The following PARD3 variants were observed in gnomAD, a reference collection of about 807,000 sequenced individuals.
PARD3 encodes partitioning defective 3 homolog.
Under a neutral mutation model 155.4 loss-of-function variants are expected in PARD3, and 75 were observed. The ratio of observed to expected loss-of-function variants is 0.48; its 90% CI spans 0.40 to 0.58. PARD3 has a LOEUF of 0.58. Ranked by LOEUF, PARD3 falls within the 20% of genes least tolerant of loss-of-function variation. PARD3 has a pLI of 0.00. For synonymous variants in PARD3, 576 were observed against 610.5 expected, an observed-to-expected ratio of 0.94 and a Z score of 0.83; for missense variants, 1,642 against 1,721.7, an observed-to-expected ratio of 0.95 and a Z score of 0.82.
At chr10:34,725,150 T>TGTGA (rs764850602) in intron 1 of PARD3, among the ~76,000 whole-genome samples, 2 of 98,250 alleles carry the variant, frequency 2.0e-5, no homozygotes, top group African/African-American at 7.1e-5. Flanking sequence ...TGTGTGTGTG[T>TGTGA]GACAGAGAGA....
intron 3 of PARD3, among the ~76,000 whole-genome samples, chr10:34,515,777 T>C (rs900611095): frequency 1.3e-5 from 2 of 152,064 alleles, no homozygotes; most frequent in African/African-American, 4.8e-5. Flanking sequence ...GAAGAATAAA[T>C]TATATATTCT....
At chr10:34,234,933 T>A (rs906352857) in intron 22 of PARD3, among the ~76,000 whole-genome samples, 6 of 152,196 alleles carry the variant, frequency 3.9e-5, no homozygotes, top group African/African-American at 1.4e-4. Context: ...TACATGCACT[T>A]TATGGAGAAA....
At chr10:34,201,243 G>A (rs1488091444) in intron 22 of PARD3, among the ~76,000 whole-genome samples, 1 of 152,170 alleles carries the variant, frequency 6.6e-6, no homozygotes, top group Non-Finnish European at 1.5e-5. Flanking sequence ...GCAGGTTACT[G>A]AGCTAGCAGT....
chr10:34,796,483 TTAAG>T (rs1842255614), intron 1 of PARD3, among the ~76,000 whole-genome samples: 1 of 152,156 alleles, frequency 6.6e-6, no homozygotes, highest in Admixed American at 6.5e-5. Context: ...CAACTTGGGG[TTAAG>T]TGTTATTTGA....
intron 14 of PARD3, among the ~76,000 whole-genome samples, chr10:34,355,471 G>C (rs1838695552): frequency 6.6e-6 from 1 of 152,168 alleles, no homozygotes; most frequent in African/African-American, 2.4e-5. Flanking sequence ...TGAATTAGGT[G>C]CCCATAAGAC....
rs1172081947 is a variant in PARD3 at position 34,754,129 on chromosome 10, C to T, written c.121-57710G>A. Reference sequence around the variant, plus strand: ...GGTCAGGTGATCCTCTCATCTCAGCCTCCTGAATAGCTGGGACTATAAACA... The same window carrying T: ...GGTCAGGTGATCCTCTCATCTCAGCTTCCTGAATAGCTGGGACTATAAACA... On this transcript the variant is annotated intron_variant, in intron 1 of 24. Transcript: ENST00000374788. Among the ~76,000 whole-genome samples, 3 of 152,082 alleles carry T rather than the reference C, an allele frequency of 2.0e-5. No homozygotes were observed. In the East Asian group the frequency reaches 5.8e-4, roughly 29 times the overall value.
chr10:34,458,794 G>A (rs2077469346), intron 4 of PARD3, among the ~76,000 whole-genome samples: 1 of 152,110 alleles, frequency 6.6e-6, no homozygotes, highest in African/African-American at 2.4e-5. Flanking sequence ...AAGGAAAGCC[G>A]CATGAACCAC....
Position 34,578,224 on chromosome 10 carries a change from G to A in PARD3, c.223-61065C>T, listed in dbSNP as rs528852631. 9.2e-5 allele frequency among the ~76,000 whole-genome samples: 14 copies of A among 151,996 alleles called. 1 individual carries two copies. Among genetic ancestry groups the A allele is most frequent in the African/African-American group, 2.9e-4 (12 of 41,484 alleles). On this transcript the variant is annotated intron_variant, in intron 2 of 24. Transcript: ENST00000374788. ...CAACCAAAACACAGCAAAACTTCGT[G>A]CTGAAAAAAATTTTTTTAAGTTTTT...
chr10:34,226,365 C>G (rs1952600861), intron 22 of PARD3, among the ~76,000 whole-genome samples: 1 of 152,150 alleles, frequency 6.6e-6, no homozygotes, highest in Non-Finnish European at 1.5e-5. Context: ...GCCTGACCAA[C>G]ATGGTGAAAC....
intron 4 of PARD3, among the ~76,000 whole-genome samples, chr10:34,464,377 T>C (rs2077874748): frequency 6.6e-6 from 1 of 152,134 alleles, no homozygotes; most frequent in Non-Finnish European, 1.5e-5. Flanking sequence ...CCTATCCTAT[T>C]TATCTAGGAC....
chr10:34,333,536 A>T (rs1008583735), intron 18 of PARD3, among the ~76,000 whole-genome samples: 6 of 152,098 alleles, frequency 3.9e-5, no homozygotes, highest in Admixed American at 3.9e-4. Flanking sequence ...TGGAAGGTCA[A>T]TGAACTACTC....
intron 1 of PARD3, among the ~76,000 whole-genome samples, chr10:34,740,792 C>T (rs1432138531): frequency 6.6e-6 from 1 of 152,060 alleles, no homozygotes; most frequent in Non-Finnish European, 1.5e-5. Context: ...CTAGACTTCA[C>T]AGCATAAAAA....
At chr10:34,651,476 C>T (rs995470933) in intron 2 of PARD3, among the ~76,000 whole-genome samples, 1 of 152,214 alleles carries the variant, frequency 6.6e-6, no homozygotes, top group African/African-American at 2.4e-5. Context: ...ACGTGGGTGT[C>T]CCCTAGACAG....
chr10:34,156,066 C>T (rs561281106), intron 22 of PARD3, among the ~76,000 whole-genome samples: 13 of 149,052 alleles, frequency 8.7e-5, no homozygotes, highest in South Asian at 4.2e-4. Flanking sequence ...GACCTCAAGG[C>T]TACAGATAAG....
At chr10:34,814,730 CG>C (rs1252307775) in intron 1 of PARD3, 145 bp downstream of exon 1, 11 of 647,394 alleles carry the variant, frequency 1.7e-5, no homozygotes, top group Non-Finnish European at 2.2e-5. Flanking sequence ...CAGTCCGGGG[CG>C]GGGGGCGCCC....
intron 2 of PARD3, among the ~76,000 whole-genome samples, chr10:34,583,188 T>C (rs1408326093): frequency 2.0e-5 from 3 of 152,108 alleles, no homozygotes; most frequent in Non-Finnish European, 2.9e-5. Flanking sequence ...ACTGAATAAA[T>C]ATAACAAATG....
rs551974064 is a variant in PARD3, at chr10:34,131,229, G to A, written c.3540+234C>T. On this transcript the variant is annotated intron_variant, in intron 23 of 24. Transcript: ENST00000374788. ...AGTGAGAATACTTTTGCTATGTCTT[G>A]TCATAAGGCTAGTGAAACCTATTAG... 4.8e-4 allele frequency among the ~76,000 whole-genome samples: 73 copies of A among 152,270 alleles called. 1 individual carries two copies. The South Asian group carries it at 0.011, about 24-fold the overall frequency.
chr10:34,534,695 T>C (rs2083099281), intron 2 of PARD3, among the ~76,000 whole-genome samples: 1 of 152,034 alleles, frequency 6.6e-6, no homozygotes, highest in South Asian at 2.1e-4. Context: ...TGGTTGATGT[T>C]GTTGTTGCTA....
At chr10:34,196,090 C>G (rs1950919892) in intron 22 of PARD3, among the ~76,000 whole-genome samples, 1 of 152,216 alleles carries the variant, frequency 6.6e-6, no homozygotes, top group Non-Finnish European at 1.5e-5. Context: ...ACTTCTGCCA[C>G]TTAATTTGCT....
Sources: allele counts gnomAD v4.1 joint callset (sites outside exome capture counted in the v4.1 genomes callset), GRCh38; gene constraint gnomAD v4.1.1; transcripts MANE v1.5; gene names NCBI Gene and HGNC (gene_info 2026-07-23, HGNC 2026-07-21).